Variants in EPS15L1 observed in about 807,000 individuals in gnomAD.
The protein encoded by EPS15L1 is epidermal growth factor receptor pathway substrate 15 like 1, also known as epidermal growth factor receptor substrate 15-like 1.
In EPS15L1, 43 loss-of-function variants were observed where a neutral mutation model predicts 117.1. The ratio of observed to expected loss-of-function variants is 0.37; its 90% confidence interval spans 0.29 to 0.47. The LOEUF (loss-of-function observed/expected upper bound fraction) is 0.47, where lower values mean the gene tolerates loss of function less well. Among genes scored for constraint, EPS15L1 ranks in the 20% least tolerant of loss-of-function variants. EPS15L1 has a pLI of 0.99. For missense variants in EPS15L1, 981 were observed against 1,164.0 expected, an observed-to-expected ratio of 0.84 and a Z score of 2.29; for synonymous variants, 459 against 470.5, an observed-to-expected ratio of 0.98 and a Z score of 0.32.
intron 16 of EPS15L1, 117 bp downstream of exon 16, chr19:16,402,204 C>G: frequency 6.8e-7 from 1 of 1,469,890 alleles, no homozygotes; most frequent in East Asian, 2.4e-5. Context: ...CAACAGACAG[C>G]CGCCTGCACT....
rs1299154454 is a variant in EPS15L1 at position 16,355,488 on chromosome 19, G to A, written c.*217C>T. The A allele has an allele frequency of 7.1e-6, 4 of 560,848 alleles. No individual in the cohort carries two copies. Among genetic ancestry groups the A allele is most frequent in the Admixed American group, 6.3e-5 (2 of 31,838 alleles). 34.7% of individuals were successfully genotyped at this position (560,848 alleles called of 1,614,324 possible). On this transcript the variant is annotated 3_prime_UTR_variant, in exon 24 of 24. Transcript: ENST00000455140. ...GGGGGGGATGGCACAGTGGAGAGAC[G>A]GACCTGCAGAAGTGGTGGCCAAGGC...
chr19:16,401,951 T>G, intron 16 of EPS15L1: 6 of 1,027,306 alleles, frequency 5.8e-6, no homozygotes, highest in East Asian at 9.0e-5. Flanking sequence ...TGCCCCCTGA[T>G]TAGTAGAATG....
intron 16 of EPS15L1, among the ~76,000 whole-genome samples, chr19:16,395,942 CAA>C (rs776880434): frequency 4.7e-4 from 25 of 53,362 alleles, no homozygotes; most frequent in Admixed American, 1.1e-3. Context: ...GAGTCTATCT[CAA>C]AAAAAAAAAA....
At chr19:16,432,502 A>G (rs572232693) in intron 7 of EPS15L1, among the ~76,000 whole-genome samples, 2 of 152,134 alleles carry the variant, frequency 1.3e-5, no homozygotes, top group East Asian at 3.9e-4. Flanking sequence ...CAGGAGGCGG[A>G]GCTTGCAGTG....
At position 16,362,174 on chromosome 19, in the gene EPS15L1, G is replaced by T. The variant is rs549702769; in HGVS notation, c.2381-190C>A. Among the ~76,000 whole-genome samples, 6 of 152,210 alleles carry T rather than the reference G, an allele frequency of 3.9e-5. No homozygotes were observed. In the South Asian group the frequency reaches 1.2e-3, roughly 32 times the overall value. On this transcript the variant is annotated intron_variant, in intron 22 of 23. Transcript: ENST00000455140. ...ATCAGCTTTATCCCAGGGGCTTAAC[G>T]GGTTGTGAACAACACAGGAAAAACA...
intron 3 of EPS15L1, 127 bp from the exon 4 acceptor site, chr19:16,441,036 T>C (rs2093026623): frequency 7.7e-6 from 7 of 911,562 alleles, no homozygotes; most frequent in Non-Finnish European, 1.3e-5. Context: ...CAGGTTGTCC[T>C]GCAGATGAAG....
chr19:16,420,403 CTG>C (rs2092802188), intron 10 of EPS15L1, among the ~76,000 whole-genome samples: 1 of 152,238 alleles, frequency 6.6e-6, no homozygotes, highest in African/African-American at 2.4e-5. Context: ...AAAGGGGACA[CTG>C]TGTTTTGTTG....
intron 22 of EPS15L1, among the ~76,000 whole-genome samples, chr19:16,376,241 C>T (rs757432058): frequency 1.3e-5 from 2 of 152,150 alleles, no homozygotes; most frequent in Non-Finnish European, 1.5e-5. Context: ...GAATAGGAGG[C>T]GTCCCAGACC....
chr19:16,456,104 G>A (rs1448136025), intron 1 of EPS15L1, among the ~76,000 whole-genome samples: 1 of 152,158 alleles, frequency 6.6e-6, no homozygotes, highest in Non-Finnish European at 1.5e-5. Context: ...GGAGGCTGAG[G>A]CAGAAGAATC....
intron 19 of EPS15L1, 109 bp from the exon 20 acceptor site, chr19:16,386,340 G>A: frequency 1.2e-6 from 1 of 832,294 alleles, no homozygotes; most frequent in South Asian, 1.5e-5. Flanking sequence ...TGCTGAGCCA[G>A]AGGGAAAGTG....
intron 16 of EPS15L1, 136 bp from the exon 17 acceptor site, chr19:16,395,603 G>T: frequency 1.1e-6 from 1 of 925,112 alleles, no homozygotes; most frequent in Non-Finnish European, 1.6e-6. Flanking sequence ...AGGAGTTCGA[G>T]GCTGGCCTGG....
chr19:16,355,605 G>A lies in EPS15L1; in HGVS notation c.*100C>T. ...ACAAGCCCCCGAGTCCCGGTCCTTG[G>A]AGTACGGTGGCGACGGTGTGTGTGT... is the stretch of plus-strand genomic sequence containing the variant. On this transcript the variant is annotated 3_prime_UTR_variant, in exon 24 of 24. Transcript: ENST00000455140. 1 of 1,395,922 alleles carries A rather than the reference G, an allele frequency of 7.2e-7. No homozygotes were observed. 86.5% of individuals were successfully genotyped at this position (1,395,922 alleles called of 1,614,324 possible).
chr19:16,393,515 A>G (rs192554938), intron 18 of EPS15L1, among the ~76,000 whole-genome samples: 9,895 of 151,188 alleles, frequency 0.065, 469 homozygotes, highest in Middle Eastern at 0.12. Context: ...CGGGCGTGGT[A>G]GCGGGCGCCT....
At chr19:16,430,781 A>G (rs2092920198) in intron 7 of EPS15L1, among the ~76,000 whole-genome samples, 1 of 152,226 alleles carries the variant, frequency 6.6e-6, no homozygotes, top group African/African-American at 2.4e-5. Context: ...GCACGGATGA[A>G]TGTATAAATA....
Position 16,462,723 on chromosome 19 carries a change from G to C in EPS15L1, c.33+9190C>G, listed in dbSNP as rs1364921653. On this transcript the variant is annotated intron_variant, in intron 1 of 23. Transcript: ENST00000455140. ...GGAAGTGGGACTCTGAGAAGGCAGA[G>C]AGGGGGCCAGGAAGCTGTGAAGATG... Among the ~76,000 whole-genome samples the C allele has an allele frequency of 3.3e-5, 5 of 152,162 alleles. No individual in the cohort carries two copies. The East Asian group carries it at 9.6e-4, about 29-fold the overall frequency.
At position 16,417,949 on chromosome 19, in the gene EPS15L1, G is replaced by A. The variant is rs140677972; in HGVS notation, c.1106C>T (p.Pro369Leu). 4.3e-5 allele frequency: 70 copies of A among 1,612,358 alleles called. No homozygotes were observed. Among genetic ancestry groups the A allele is most frequent in the Non-Finnish European group, 4.9e-5 (58 of 1,179,330 alleles). ...CAGGGCATGACCAGCACCACTCACC[G>A]GGCCGGGCGTGCCTCTCTCCGAAGG... Reference protein sequence around the residue: ...VPPSERGTPGPDSSGSLGSGE... With the variant: ...VPPSERGTPGLDSSGSLGSGE... Residue 369 changes from proline to leucine, a missense_variant and splice_region_variant, in exon 11 of 24, where the codon CCG (proline) becomes CTG (leucine). By Grantham distance (98) the Pro-to-Leu change is moderately conservative. Coordinates refer to ENST00000455140, the MANE Select transcript of EPS15L1 (RefSeq NM_001258374.3).
At chr19:16,402,105 T>G in intron 16 of EPS15L1, 1 of 1,341,502 alleles carries the variant, frequency 7.5e-7, no homozygotes, top group Non-Finnish European at 9.5e-7. Flanking sequence ...CAGGCCTATC[T>G]TGGACTTTGT....
In EPS15L1 at chr19:16,437,628, T is replaced by G. The variant is rs1177458542; in HGVS notation, c.309+142A>C. 5 of 636,192 alleles carry G rather than the reference T, an allele frequency of 7.9e-6. No individual in the cohort carries two copies. In the African/African-American group the frequency reaches 9.2e-5, roughly 12 times the overall value. The allele number at this position is 636,192 out of a possible 1,614,324, so 39.4% of individuals were successfully genotyped here. ...ATAGTTCACTTTAAAATTATTAATT[T>G]TCTATTATGTGAATTTCACCACAAT... On this transcript the variant is annotated intron_variant, in intron 5 of 23. Coordinates refer to ENST00000455140, the MANE Select transcript of EPS15L1 (RefSeq NM_001258374.3).
intron 1 of EPS15L1, among the ~76,000 whole-genome samples, chr19:16,444,054 AC>A (rs1758195387): frequency 7.2e-6 from 1 of 138,238 alleles, no homozygotes; most frequent in African/African-American, 2.8e-5. Context: ...ACGGTGCGAG[AC>A]TCCGTCTCAA....
Sources: allele counts gnomAD v4.1 joint callset (sites outside exome capture counted in the v4.1 genomes callset), GRCh38; gene constraint gnomAD v4.1.1; transcripts MANE v1.5; gene names NCBI Gene and HGNC (gene_info 2026-07-23, HGNC 2026-07-21).